The following KDM4A variants were observed in gnomAD, a reference collection of about 807,000 sequenced individuals.
KDM4A encodes lysine-specific demethylase 4A.
Under a neutral mutation model 127.1 loss-of-function variants are expected in KDM4A, and 23 were observed. That is an observed-to-expected ratio of 0.18 (90% CI 0.13 to 0.26). The LOEUF (loss-of-function observed/expected upper bound fraction) is 0.26, where lower values mean the gene tolerates loss of function less well. Ranked by LOEUF, KDM4A falls within the 10% of genes least tolerant of loss-of-function variation. The pLI is 1.00. For missense variants in KDM4A, 890 were observed against 1,329.1 expected (o/e 0.67, Z 5.14); for synonymous variants, 443 against 466.5 (o/e 0.95, Z 0.65).
chr1:43,682,802 T>A (rs1334256050), intron 11 of KDM4A, among the ~76,000 whole-genome samples: 1 of 152,238 alleles, frequency 6.6e-6, no homozygotes, highest in African/African-American at 2.4e-5. Context: ...GGGTGTGTTC[T>A]CTGAAGTAGC....
In KDM4A at chr1:43,694,082, C is replaced by T. The variant is rs1314993948; in HGVS notation, c.2464C>T (p.Pro822Ser). 2 of 1,613,964 alleles carry T rather than the reference C, an allele frequency of 1.2e-6. No homozygotes were observed. Among genetic ancestry groups the T allele is most frequent in the Admixed American group, 3.3e-5 (2 of 60,022 alleles). The change falls in exon 17 of 22, where the codon CCC (proline) becomes TCC (serine). Residue 822 changes from proline (P) to serine (S), a missense_variant. By Grantham distance (74) the Pro-to-Ser change is moderately conservative. Around this residue, in one of 7 missense-constraint regions of KDM4A, gnomAD observed 246 missense variants for 418.4 expected, o/e 0.59. Transcript: ENST00000372396. This position sits in a 1 kb window ranked among gnomAD's most constrained non-coding sequence, Gnocchi z 5.2. Reference protein sequence around the residue: ...ERSPVDVSKIPLPRFKLKCIF... With the variant: ...ERSPVDVSKISLPRFKLKCIF... ...AAGTCCGGTGGATGTGAGCAAAATC[C>T]CCCTGCCCCGCTTCAAACTGGTAAG... is the stretch of plus-strand genomic sequence containing the variant.
rs1553231462 is a variant in KDM4A at position 43,668,026 on chromosome 1, C to T, written c.1163+7C>T. On this transcript the variant is annotated splice_region_variant and intron_variant, in intron 9 of 21. Coordinates refer to ENST00000372396, the MANE Select transcript of KDM4A (RefSeq NM_014663.3). The stretch of plus-strand genomic sequence containing the variant: ...AAGGAGACCTGAAGACAAGGTAACC[C>T]AGCAGCCCTTTTGTCCTGGCTGCGT... The T allele has an allele frequency of 3.1e-6, 5 of 1,613,578 alleles. No homozygotes were observed. The highest frequency in any genetic ancestry group is 1.1e-5 in the South Asian group (1 of 91,034).
Position 43,691,674 on chromosome 1 carries a change from G to A in KDM4A, c.2319+102G>A, listed in dbSNP as rs1025660762. 3 of 999,850 alleles carry A rather than the reference G, an allele frequency of 3.0e-6. No individual in the cohort carries two copies. The Admixed American group carries it at 5.2e-5, about 17-fold the overall frequency. The allele number at this position is 999,850 out of a possible 1,614,324, so 61.9% of individuals were successfully genotyped here. On this transcript the variant is annotated intron_variant, in intron 15 of 21. Coordinates refer to ENST00000372396, the MANE Select transcript of KDM4A (RefSeq NM_014663.3). ...CTCAGTATTCCCAGCAGTCTGCATAGGGTCTGGTACGCGGTGATGTCAGAG... is the reference window on the plus strand; with the variant it reads ...CTCAGTATTCCCAGCAGTCTGCATAAGGTCTGGTACGCGGTGATGTCAGAG...
chr1:43,671,577 A>C lies in KDM4A; in HGVS notation c.1436A>C (p.Glu479Ala), dbSNP rs774631250. The C allele has an allele frequency of 6.2e-7, 1 of 1,608,926 alleles. No homozygotes were observed. Among genetic ancestry groups the C allele is most frequent in the South Asian group, 1.1e-5 (1 of 90,160 alleles). Residue 479 changes from glutamate to alanine, a missense_variant, in exon 11 of 22, where the codon GAA becomes GCA. Physicochemically the swap from Glu to Ala is moderately radical, Grantham distance 107. Transcript: ENST00000372396. ...AAACTAGAAGAGGAGGATGAGGAGG[A>C]AGAACAAGCAGCAGCTGCCTTGGAT... Reference protein sequence around the residue: ...NVKLEEEDEEEEQAAAALDLS... With the variant: ...NVKLEEEDEEAEQAAAALDLS...
At chr1:43,676,021 C>T (rs1660732697) in intron 11 of KDM4A, among the ~76,000 whole-genome samples, 2 of 146,244 alleles carry the variant, frequency 1.4e-5, no homozygotes, top group South Asian at 2.2e-4. Context: ...GCGGAGGTTG[C>T]AGTGAGCTGA....
At chr1:43,690,561 T>C (rs1349629320) in intron 13 of KDM4A, 4 of 478,000 alleles carry the variant, frequency 8.4e-6, no homozygotes, top group Non-Finnish European at 1.5e-5. Flanking sequence ...CAGTGCATTT[T>C]ATTAACCACT....
chr1:43,665,841 C>G, intron 6 of KDM4A, 96 bp downstream of exon 6: 2 of 1,311,128 alleles, frequency 1.5e-6, no homozygotes, highest in East Asian at 4.7e-5. Flanking sequence ...CAGATACTTG[C>G]AGGTCCTGTT....
At chr1:43,678,144 G>A (rs769473216) in intron 11 of KDM4A, among the ~76,000 whole-genome samples, 6 of 152,106 alleles carry the variant, frequency 3.9e-5, no homozygotes, top group Non-Finnish European at 7.4e-5. Flanking sequence ...AGGGTTTTTA[G>A]TGTGGGCCAG....
At chr1:43,695,494 T>G (rs1200462049) in intron 18 of KDM4A, among the ~76,000 whole-genome samples, 1 of 152,168 alleles carries the variant, frequency 6.6e-6, no homozygotes, top group Non-Finnish European at 1.5e-5. Flanking sequence ...CATGAAAGAC[T>G]GGTTATGGGA....
chr1:43,681,434 T>C (rs1209476868), intron 11 of KDM4A, among the ~76,000 whole-genome samples: 1 of 152,214 alleles, frequency 6.6e-6, no homozygotes, highest in African/African-American at 2.4e-5. Flanking sequence ...TCTGACTTCT[T>C]TTCTGAACCC....
intron 5 of KDM4A, among the ~76,000 whole-genome samples, chr1:43,664,349 C>T (rs1008578104): frequency 1.3e-5 from 2 of 151,940 alleles, no homozygotes; most frequent in African/African-American, 2.4e-5. Flanking sequence ...GGTGGATCAC[C>T]TGAAGTCAGG....
At position 43,697,771 on chromosome 1, in the gene KDM4A, T is replaced by C; in HGVS notation, c.2671-72T>C. ...TCTTTCCCTGATAAGGAGGAACTAA[T>C]TGATCTTCATCTCCATATGCCAGGC... is the stretch of plus-strand genomic sequence containing the variant. On this transcript the variant is annotated intron_variant, in intron 18 of 21. Coordinates refer to ENST00000372396, the MANE Select transcript of KDM4A (RefSeq NM_014663.3). 3 of 1,375,890 alleles carry C rather than the reference T, an allele frequency of 2.2e-6. 1 individual carries two copies. The highest frequency in any genetic ancestry group is 3.0e-6 in the Non-Finnish European group (3 of 992,292). The allele number at this position is 1,375,890 out of a possible 1,614,324, so 85.2% of individuals were successfully genotyped here.
rs1660456329 is a variant in KDM4A, at chr1:43,664,459, G to C, written c.624-1237G>C. Among the ~76,000 whole-genome samples, 3 of 152,300 alleles carry C rather than the reference G, an allele frequency of 2.0e-5. No homozygotes were observed. The South Asian group carries it at 6.2e-4, about 32-fold the overall frequency. On this transcript the variant is annotated intron_variant, in intron 5 of 21. Transcript: ENST00000372396. The stretch of plus-strand genomic sequence containing the variant: ...TTTAGGGAGCTAGGGGGAGTCTGCT[G>C]TAGTTTGGGTGCTGTGTAAAACGAT...
At chr1:43,659,150 A>G (rs1018207200) in intron 3 of KDM4A, among the ~76,000 whole-genome samples, 12 of 151,986 alleles carry the variant, frequency 7.9e-5, no homozygotes, top group African/African-American at 2.9e-4. Context: ...TAAAAACACC[A>G]GATGTGGTGG....
chr1:43,663,170 T>C (rs913356891), intron 5 of KDM4A, 83 bp downstream of exon 5: 5 of 1,289,652 alleles, frequency 3.9e-6, no homozygotes, highest in Non-Finnish European at 4.3e-6. Context: ...CACCTCAGGA[T>C]TGTGTTAAAG....
chr1:43,680,621 A>G (rs917433064), intron 11 of KDM4A, among the ~76,000 whole-genome samples: 2 of 152,220 alleles, frequency 1.3e-5, no homozygotes, highest in African/African-American at 4.8e-5. Flanking sequence ...CTCTCAGGGG[A>G]GGACCCATTT....
intron 11 of KDM4A, among the ~76,000 whole-genome samples, chr1:43,678,463 G>A (rs1380743215): frequency 1.3e-5 from 2 of 152,088 alleles, no homozygotes; most frequent in African/African-American, 2.4e-5. Flanking sequence ...ATGGCCAAGT[G>A]TGCCTTGTAT....
Position 43,669,099 on chromosome 1 carries a change from G to C in KDM4A, c.1164-1G>C. ...TAAAAGATTTGCCCTCTCCCTTGCAGCCTGGCCAAGCACCGAATAGGGACA... is the reference window on the plus strand; with the variant it reads ...TAAAAGATTTGCCCTCTCCCTTGCACCCTGGCCAAGCACCGAATAGGGACA... On this transcript the variant is annotated splice_acceptor_variant, in intron 9 of 21. Transcript: ENST00000372396. LOFTEE classifies it high-confidence loss of function. 6.2e-7 allele frequency: 1 copy of C among 1,614,212 alleles called. No homozygotes were observed. Among genetic ancestry groups the C allele is most frequent in the Non-Finnish European group, 8.5e-7 (1 of 1,180,036 alleles).
chr1:43,675,478 A>C (rs9787076), intron 11 of KDM4A, among the ~76,000 whole-genome samples: 37,624 of 152,182 alleles, frequency 0.25, 5,417 homozygotes, highest in Non-Finnish European at 0.33. Context: ...TGCCAGGTGG[A>C]CAGAATGAAA....
Sources: allele counts gnomAD v4.1 joint callset (sites outside exome capture counted in the v4.1 genomes callset), GRCh38; gene constraint gnomAD v4.1.1; regional missense constraint gnomAD v4.1.1; non-coding constraint Gnocchi (gnomAD v3.1); transcripts MANE v1.5; gene names NCBI Gene and HGNC (gene_info 2026-07-23, HGNC 2026-07-21).